The following CTNNA2 variants were observed in gnomAD, a reference collection of about 807,000 sequenced individuals.
CTNNA2 encodes catenin alpha 2, also known as catenin alpha-2.
In CTNNA2, 42 loss-of-function variants were observed where a neutral mutation model predicts 101.0. The ratio of observed to expected loss-of-function variants is 0.42; its 90% CI spans 0.32 to 0.54. The LOEUF is 0.54. Ranked by LOEUF, CTNNA2 falls within the 20% of genes least tolerant of loss-of-function variation. CTNNA2 has a pLI of 0.14. For synonymous variants in CTNNA2, 450 were observed against 456.4 expected, an observed-to-expected ratio of 0.99 and a Z score of 0.18; for missense variants, 871 against 1,223.1, an observed-to-expected ratio of 0.71 and a Z score of 4.29.
At chr2:79,865,068 CTTTGTATAACACACTTATACACACA>C (rs1681930199) in intron 4 of CTNNA2, among the ~76,000 whole-genome samples, 1 of 152,024 alleles carries the variant, frequency 6.6e-6, no homozygotes, top group African/African-American at 2.4e-5. Flanking sequence ...AATTGTTGTG[CTTTGTATAACACACTTATACACACA>C]TTTGTATAAC....
intron 7 of CTNNA2, among the ~76,000 whole-genome samples, chr2:80,321,845 A>G (rs920112005): frequency 2.0e-5 from 3 of 152,216 alleles, no homozygotes; most frequent in Non-Finnish European, 4.4e-5. Context: ...TATTTCTGCT[A>G]ACATGTTTTG....
chr2:79,887,715 A>G (rs1683988986), intron 6 of CTNNA2, among the ~76,000 whole-genome samples: 1 of 152,118 alleles, frequency 6.6e-6, no homozygotes, highest in Non-Finnish European at 1.5e-5. Flanking sequence ...TTTTTTGAAA[A>G]GTGGAGACAA....
intron 8 of CTNNA2, among the ~76,000 whole-genome samples, chr2:80,401,464 A>G (rs1678541994): frequency 6.6e-6 from 1 of 152,190 alleles, no homozygotes; most frequent in African/African-American, 2.4e-5. Flanking sequence ...TGGCTTGAGA[A>G]GACTTAGCTC....
intron 3 of CTNNA2, among the ~76,000 whole-genome samples, chr2:79,345,410 T>G (rs1361317344): frequency 6.6e-6 from 1 of 152,162 alleles, no homozygotes. Flanking sequence ...CATTTCATAA[T>G]GTATAAAAAT....
At chr2:80,500,908 C>T (rs2149532543) in intron 9 of CTNNA2, among the ~76,000 whole-genome samples, 1 of 151,806 alleles carries the variant, frequency 6.6e-6, no homozygotes, top group Non-Finnish European at 1.5e-5. Context: ...CATTTTCTAA[C>T]AAGGTTAGAT....
intron 7 of CTNNA2, among the ~76,000 whole-genome samples, chr2:80,142,117 A>G (rs1703051470): frequency 6.6e-6 from 1 of 152,152 alleles, no homozygotes; most frequent in African/African-American, 2.4e-5. Flanking sequence ...ATTGCAAATT[A>G]GAAAAATTTT....
intron 7 of CTNNA2, among the ~76,000 whole-genome samples, chr2:79,968,733 T>A (rs866335833): frequency 6.6e-6 from 1 of 152,152 alleles, no homozygotes; most frequent in Non-Finnish European, 1.5e-5. Context: ...TTGACAAAAA[T>A]TCCATTTCGT....
At chr2:80,499,314 C>A (rs2149530007) in intron 9 of CTNNA2, among the ~76,000 whole-genome samples, 1 of 152,270 alleles carries the variant, frequency 6.6e-6, no homozygotes, top group African/African-American at 2.4e-5. Context: ...TGTATCTATG[C>A]TGCAGTGAAC....
chr2:79,234,506 T>C (rs1674532784), intron 2 of CTNNA2, among the ~76,000 whole-genome samples: 1 of 152,154 alleles, frequency 6.6e-6, no homozygotes, highest in Non-Finnish European at 1.5e-5. Context: ...TTGATGACTA[T>C]GTGCCTTGGG....
intron 2 of CTNNA2, among the ~76,000 whole-genome samples, chr2:79,280,661 G>GC (rs1675344935): frequency 1.2e-5 from 1 of 86,396 alleles, no homozygotes; most frequent in East Asian, 3.7e-4. Context: ...GTGTGTAAGA[G>GC]AAAGAGAGAG....
At chr2:80,260,876 C>A (rs180737949) in intron 7 of CTNNA2, among the ~76,000 whole-genome samples, 55 of 151,566 alleles carry the variant, frequency 3.6e-4, no homozygotes, top group African/African-American at 1.2e-3. Context: ...ATTTTTTTTT[C>A]CACCAAAGCA....
chr2:79,471,761 C>T (rs529253336), intron 4 of CTNNA2, among the ~76,000 whole-genome samples: 201 of 152,136 alleles, frequency 1.3e-3, no homozygotes, highest in African/African-American at 4.4e-3. Flanking sequence ...CGGCCTGAAC[C>T]CAGGAGGCGG....
chr2:80,503,937 A>C (rs1194693182), intron 9 of CTNNA2, among the ~76,000 whole-genome samples: 1 of 152,190 alleles, frequency 6.6e-6, no homozygotes, highest in Non-Finnish European at 1.5e-5. Context: ...AACTGGATGG[A>C]AGGAAAGTTA....
At chr2:79,241,865 C>T (rs564334825) in intron 2 of CTNNA2, among the ~76,000 whole-genome samples, 29 of 151,134 alleles carry the variant, frequency 1.9e-4, no homozygotes, top group African/African-American at 7.0e-4. Context: ...ATAAAAACAG[C>T]ATCGAATCAC....
intron 6 of CTNNA2, among the ~76,000 whole-genome samples, chr2:79,903,851 G>A (rs1252206158): frequency 6.6e-6 from 1 of 152,100 alleles, no homozygotes; most frequent in South Asian, 2.1e-4. Context: ...TGATTGACTG[G>A]CGCTGCCTGG....
At chr2:79,189,723 CTTT>C (rs1281290891) in intron 1 of CTNNA2, among the ~76,000 whole-genome samples, 1 of 152,084 alleles carries the variant, frequency 6.6e-6, no homozygotes, top group Non-Finnish European at 1.5e-5. Flanking sequence ...AGTTAAGCTC[CTTT>C]TCTCCCACGG....
At chr2:79,526,146 AT>A (rs1349941136) in intron 1 of CTNNA2, among the ~76,000 whole-genome samples, 2 of 152,004 alleles carry the variant, frequency 1.3e-5, no homozygotes, top group African/African-American at 4.8e-5. Context: ...AATTTAAAAT[AT>A]TTTTTATCAA....
chr2:80,386,044 C>T (rs767668879), intron 7 of CTNNA2, among the ~76,000 whole-genome samples: 3 of 151,604 alleles, frequency 2.0e-5, no homozygotes, highest in Non-Finnish European at 2.9e-5. Context: ...TCCTGCTTTG[C>T]GCATTGTCCA....
At chr2:80,062,732 G>T (rs540568338) in intron 7 of CTNNA2, among the ~76,000 whole-genome samples, 7 of 131,154 alleles carry the variant, frequency 5.3e-5, no homozygotes, top group African/African-American at 1.5e-4. Context: ...TTGAGATGGA[G>T]TCTCACTCTG....
Sources: allele counts gnomAD v4.1 joint callset (sites outside exome capture counted in the v4.1 genomes callset), GRCh38; gene constraint gnomAD v4.1.1; transcripts MANE v1.5; gene names NCBI Gene and HGNC (gene_info 2026-07-23, HGNC 2026-07-21).